Variants in NECAB1 observed in about 807,000 individuals in gnomAD.
The protein encoded by NECAB1 is N-terminal EF-hand calcium binding protein 1.
In NECAB1, 29 loss-of-function variants were observed where a neutral mutation model predicts 57.5. The observed-to-expected ratio is 0.50, with a 90% CI of 0.38 to 0.69. The LOEUF (loss-of-function observed/expected upper bound fraction) is 0.69, where lower values mean the gene tolerates loss of function less well. Ranked by LOEUF, NECAB1 falls within the 30% of genes least tolerant of loss-of-function variation. The probability of loss-of-function intolerance (pLI) is 0.00; values close to 1 mark genes in which losing one functional copy is unlikely to be tolerated. For missense variants in NECAB1, 372 were observed against 413.8 expected (o/e 0.90, Z 0.88); for synonymous variants, 142 against 147.7 (o/e 0.96, Z 0.28).
intron 2 of NECAB1, among the ~76,000 whole-genome samples, chr8:90,813,956 T>C (rs1464487905): frequency 1.3e-5 from 2 of 152,230 alleles, no homozygotes; most frequent in East Asian, 3.8e-4. Flanking sequence ...AAATCTATGT[T>C]GATAAATTAT....
intron 4 of NECAB1, among the ~76,000 whole-genome samples, chr8:90,876,187 G>A (rs1429689248): frequency 6.6e-6 from 1 of 152,146 alleles, no homozygotes; most frequent in African/African-American, 2.4e-5. Context: ...GTGCCAGCAA[G>A]TCTGAGTGCT....
chr8:90,948,253 G>A (rs535016070), intron 10 of NECAB1, among the ~76,000 whole-genome samples: 1 of 152,240 alleles, frequency 6.6e-6, no homozygotes, highest in African/African-American at 2.4e-5. Context: ...GCACATTCAT[G>A]AACTCCTGGG....
chr8:90,873,651 T>G (rs759277525), intron 4 of NECAB1, among the ~76,000 whole-genome samples: 22 of 152,366 alleles, frequency 1.4e-4, no homozygotes, highest in Non-Finnish European at 2.8e-4. Context: ...CACTTAACTT[T>G]GCCTGGGTAG....
intron 3 of NECAB1, among the ~76,000 whole-genome samples, chr8:90,833,686 C>A (rs1457022339): frequency 6.6e-6 from 1 of 152,076 alleles, no homozygotes; most frequent in Non-Finnish European, 1.5e-5. Context: ...TCATCAATAT[C>A]CACCAGATGG....
intron 3 of NECAB1, among the ~76,000 whole-genome samples, chr8:90,856,537 T>A (rs776706940): frequency 1.3e-5 from 2 of 152,178 alleles, no homozygotes; most frequent in Non-Finnish European, 2.9e-5. Context: ...TACTTAAATA[T>A]CTGAAGTAAT....
intron 6 of NECAB1, among the ~76,000 whole-genome samples, chr8:90,921,151 G>A (rs1810100720): frequency 6.6e-6 from 1 of 151,948 alleles, no homozygotes; most frequent in South Asian, 2.1e-4. Context: ...CGAGTAACTG[G>A]GACTACAGTC....
At chr8:90,849,483 C>CTTTTTTTTTTT (rs5893138) in intron 3 of NECAB1, among the ~76,000 whole-genome samples, 3 of 113,424 alleles carry the variant, frequency 2.6e-5, no homozygotes, top group Non-Finnish European at 5.1e-5. Flanking sequence ...AAGAAAAATG[C>CTTTTTTTTTTT]TTTTTTTTTT....
intron 5 of NECAB1, among the ~76,000 whole-genome samples, chr8:90,893,768 G>C (rs998497320): frequency 6.6e-6 from 1 of 152,148 alleles, no homozygotes; most frequent in African/African-American, 2.4e-5. Flanking sequence ...TTTATGGCTA[G>C]CTGGGGAGGT....
chr8:90,950,998 C>T lies in NECAB1; in HGVS notation c.939-115C>T, dbSNP rs190802000. On this transcript the variant is annotated intron_variant, in intron 11 of 12. Coordinates refer to ENST00000417640, the MANE Select transcript of NECAB1 (RefSeq NM_022351.5). ...ATTAAAAGAAGCTTGTATCCAGGAG[C>T]TTATTTAATCCAAATCATCCCAAAC... The T allele has an allele frequency of 2.7e-3, 1,309 of 478,016 alleles. 6 individuals are homozygous for T. The highest frequency in any genetic ancestry group is 4.0e-3 in the Non-Finnish European group (1,100 of 276,840). 29.6% of individuals were successfully genotyped at this position (478,016 alleles called of 1,614,324 possible). A position where few individuals can be genotyped will look rare whatever the true frequency, so the allele number is the denominator to read the frequency against.
rs1811019394 is a variant in NECAB1 at position 90,955,739 on chromosome 8, T to C, written c.*227T>C. 4.7e-6 allele frequency: 2 copies of C among 422,262 alleles called. No individual in the cohort carries two copies. Among genetic ancestry groups the C allele is most frequent in the Non-Finnish European group, 4.2e-6 (1 of 239,820 alleles). 26.2% of individuals were successfully genotyped at this position (422,262 alleles called of 1,614,324 possible). On this transcript the variant is annotated 3_prime_UTR_variant, in exon 13 of 13. Coordinates refer to ENST00000417640, the MANE Select transcript of NECAB1 (RefSeq NM_022351.5). The stretch of plus-strand genomic sequence containing the variant: ...TCTCAATATTTAATGCTAAATGCTT[T>C]GCTACATTGTAACTCACCTAAAACC...
At chr8:90,891,914 G>A (rs906695367) in intron 5 of NECAB1, among the ~76,000 whole-genome samples, 31 of 152,044 alleles carry the variant, frequency 2.0e-4, no homozygotes, top group African/African-American at 5.3e-4. Context: ...GGCTGGTCTC[G>A]AACTTCTGGG....
chr8:90,886,295 T>C (rs1316891425), intron 5 of NECAB1, among the ~76,000 whole-genome samples: 1 of 152,126 alleles, frequency 6.6e-6, no homozygotes, highest in Non-Finnish European at 1.5e-5. Flanking sequence ...TACTGATTTT[T>C]TTTTTTCAAA....
chr8:90,939,602 G>C (rs1228790406), intron 9 of NECAB1, among the ~76,000 whole-genome samples: 1 of 152,156 alleles, frequency 6.6e-6, no homozygotes, highest in African/African-American at 2.4e-5. Context: ...CTAATTATCT[G>C]AGTTAGTAAT....
chr8:90,917,870 A>ATATATATATATATGTGTGTGTG (rs1554575432), intron 6 of NECAB1, among the ~76,000 whole-genome samples: 4 of 64,336 alleles, frequency 6.2e-5, no homozygotes, highest in African/African-American at 3.1e-4. Flanking sequence ...ATATATATAT[A>ATATATATATATATGTGTGTGTG]TGTGTGTGTG....
rs758370528 is a variant in NECAB1 at position 90,928,870 on chromosome 8, GTTT to G, written c.693+576_693+578del. Among the ~76,000 whole-genome samples, 94 of 152,016 alleles carry G rather than the reference GTTT, an allele frequency of 6.2e-4. No homozygotes were observed. In the East Asian group the frequency reaches 0.015, roughly 24 times the overall value. The stretch of plus-strand genomic sequence containing the variant: ...ACTACATTTTATGTTCTTAGTTATT[GTTT>G]TTTTATTAATTTAGTTAGTACCAAG... On this transcript the variant is annotated intron_variant, in intron 8 of 12. Transcript: ENST00000417640.
chr8:90,929,829 G>T (rs1408487380), intron 8 of NECAB1, among the ~76,000 whole-genome samples: 1 of 152,202 alleles, frequency 6.6e-6, no homozygotes, highest in East Asian at 1.9e-4. Context: ...CAGGTAAGGT[G>T]ATGGCATGAG....
intron 2 of NECAB1, among the ~76,000 whole-genome samples, chr8:90,822,176 A>G (rs1812154363): frequency 6.6e-6 from 1 of 151,922 alleles, no homozygotes; most frequent in African/African-American, 2.4e-5. Flanking sequence ...AGTATAAATC[A>G]AAGGTTAACT....
intron 2 of NECAB1, among the ~76,000 whole-genome samples, chr8:90,805,794 G>T (rs976326070): frequency 6.6e-6 from 1 of 151,948 alleles, no homozygotes; most frequent in African/African-American, 2.4e-5. Context: ...ATAATATGAT[G>T]ATTAGATAAA....
chr8:90,851,102 G>A (rs1215577072), intron 3 of NECAB1, among the ~76,000 whole-genome samples: 1 of 152,190 alleles, frequency 6.6e-6, no homozygotes, highest in Non-Finnish European at 1.5e-5. Context: ...ATGGGGTTAA[G>A]ACAGCATCCA....
Sources: gnomAD v4.1 joint callset for allele counts (sites outside exome capture counted in the v4.1 genomes callset) on GRCh38, gnomAD v4.1.1 for gene constraint, MANE v1.5 for transcripts, NCBI Gene and HGNC (gene_info 2026-07-23, HGNC 2026-07-21) for gene names.